The following EPHB2 variants were observed in gnomAD, a reference collection of about 807,000 sequenced individuals.
EPHB2 encodes ephrin type-B receptor 2.
In EPHB2, 18 loss-of-function variants were observed where a neutral mutation model predicts 96.4. The observed-to-expected ratio is 0.19, with a 90% CI of 0.13 to 0.28. EPHB2 has a LOEUF of 0.28. Among genes scored for constraint, EPHB2 ranks in the 10% least tolerant of loss-of-function variants. The probability of loss-of-function intolerance (pLI) is 1.00; values close to 1 mark genes in which losing one functional copy is unlikely to be tolerated. For synonymous variants in EPHB2, 506 were observed against 534.1 expected (o/e 0.95, Z 0.72); for missense variants, 989 against 1,355.4 (o/e 0.73, Z 4.25).
At chr1:22,819,571 G>A (rs1350302914) in intron 3 of EPHB2, among the ~76,000 whole-genome samples, 1 of 152,120 alleles carries the variant, frequency 6.6e-6, no homozygotes. Flanking sequence ...AACCCCAGCT[G>A]GCTGCCCTAT....
chr1:22,733,854 T>G lies in EPHB2; in HGVS notation c.61+22811T>G, dbSNP rs1054600763. Among the ~76,000 whole-genome samples, 27 of 152,094 alleles carry G rather than the reference T, an allele frequency of 1.8e-4. No homozygotes were observed. The highest frequency in any genetic ancestry group is 3.2e-4 in the Non-Finnish European group (22 of 68,010). ...ATTTGGTGGGGACAGAGCTAGAAGT[T>G]GAACCCGGGACTGGATTCTTGACCT... On this transcript the variant is annotated intron_variant, in intron 1 of 15. Coordinates refer to ENST00000374630, the MANE Select transcript of EPHB2 (RefSeq NM_017449.5). The surrounding 1 kb of genome is among the most constrained non-coding windows in gnomAD (Gnocchi z 4.6).
intron 3 of EPHB2, among the ~76,000 whole-genome samples, chr1:22,838,372 G>GC (rs1263150611): frequency 1.3e-5 from 2 of 152,242 alleles, no homozygotes; most frequent in African/African-American, 4.8e-5. Flanking sequence ...AGGGGAAGGG[G>GC]CATAGGCCAG....
chr1:22,797,238 A>G (rs898055514), intron 3 of EPHB2, among the ~76,000 whole-genome samples: 2 of 152,152 alleles, frequency 1.3e-5, no homozygotes, highest in African/African-American at 2.4e-5. Flanking sequence ...GATATCAGAC[A>G]TTCGTCCCCT....
At chr1:22,908,755 G>A (rs1301976583) in intron 12 of EPHB2, among the ~76,000 whole-genome samples, 1 of 152,222 alleles carries the variant, frequency 6.6e-6, no homozygotes, top group Non-Finnish European at 1.5e-5. Context: ...CTGTGGGATT[G>A]AGGGCAGCTG....
rs368521456 is a variant in EPHB2, at chr1:22,912,431, C to T, written c.2697-13C>T. 19 of 1,613,696 alleles carry T rather than the reference C, an allele frequency of 1.2e-5. No individual in the cohort carries two copies. In the East Asian group the frequency reaches 3.8e-4, roughly 32 times the overall value. On this transcript the variant is annotated splice_polypyrimidine_tract_variant and intron_variant, in intron 14 of 15. Coordinates refer to ENST00000374630, the MANE Select transcript of EPHB2 (RefSeq NM_017449.5). ...GTGCCCTGACCATCTCTGTCGCCCA[C>T]CCCCAACCCCAGCATCAACCTGCCG...
At chr1:22,878,352 T>C (rs1638913005) in intron 5 of EPHB2, among the ~76,000 whole-genome samples, 1 of 152,222 alleles carries the variant, frequency 6.6e-6, no homozygotes, top group African/African-American at 2.4e-5. Context: ...TTCTGAGTCT[T>C]ACAGCTTCCC....
At chr1:22,884,895 G>A (rs921510309) in intron 6 of EPHB2, among the ~76,000 whole-genome samples, 6 of 152,142 alleles carry the variant, frequency 3.9e-5, no homozygotes, top group South Asian at 2.1e-4. Flanking sequence ...TAAGTGTTAT[G>A]GAGTAATTGG....
At chr1:22,728,597 C>A (rs1172418435) in intron 1 of EPHB2, among the ~76,000 whole-genome samples, 3 of 152,256 alleles carry the variant, frequency 2.0e-5, no homozygotes, top group Admixed American at 2.0e-4. Flanking sequence ...CTAATCCCCC[C>A]ATTCCCCTTT....
intron 14 of EPHB2, among the ~76,000 whole-genome samples, chr1:22,911,155 T>A (rs143796474): frequency 1.4e-5 from 2 of 143,610 alleles, no homozygotes; most frequent in African/African-American, 5.8e-5. Flanking sequence ...AATAAATAAA[T>A]AAATAAATAA....
At chr1:22,771,666 T>C (rs1204699911) in intron 1 of EPHB2, among the ~76,000 whole-genome samples, 3 of 152,174 alleles carry the variant, frequency 2.0e-5, no homozygotes, top group Non-Finnish European at 4.4e-5. Flanking sequence ...CCCATTAGGA[T>C]CTCAGGAGAT....
At chr1:22,828,285 T>C (rs1645253503) in intron 3 of EPHB2, among the ~76,000 whole-genome samples, 1 of 152,098 alleles carries the variant, frequency 6.6e-6, no homozygotes, top group South Asian at 2.1e-4. Flanking sequence ...TGCCTCTCCA[T>C]GGACCCTGGC....
intron 3 of EPHB2, among the ~76,000 whole-genome samples, chr1:22,785,284 A>G (rs1644595494): frequency 6.6e-6 from 1 of 152,254 alleles, no homozygotes; most frequent in South Asian, 2.1e-4. Context: ...ATCCGCGCAC[A>G]TGCCGCAGGT....
At chr1:22,755,366 A>G (rs1443077591) in intron 1 of EPHB2, among the ~76,000 whole-genome samples, 1 of 152,144 alleles carries the variant, frequency 6.6e-6, no homozygotes, top group Non-Finnish European at 1.5e-5. Flanking sequence ...AAAAACAAAG[A>G]CCGAAAAAAC....
chr1:22,733,328 C>T lies in EPHB2; in HGVS notation c.61+22285C>T, dbSNP rs976789509. On this transcript the variant is annotated intron_variant, in intron 1 of 15. Transcript: ENST00000374630. This position sits in a 1 kb window ranked among gnomAD's most constrained non-coding sequence, Gnocchi z 4.6. ...CCTTCCAAAGTGCTGGGATTGCAGG[C>T]GTGAACCACTGTGGCTGGCCCAGGC... Among the ~76,000 whole-genome samples the T allele has an allele frequency of 3.9e-5, 6 of 152,266 alleles. No homozygotes were observed. Among genetic ancestry groups the T allele is most frequent in the African/African-American group, 9.6e-5 (4 of 41,552 alleles).
intron 9 of EPHB2, 110 bp from the exon 10 acceptor site, chr1:22,905,877 G>A: frequency 1.3e-6 from 2 of 1,568,844 alleles, no homozygotes; most frequent in Non-Finnish European, 1.7e-6. Context: ...CAGTTCTTAT[G>A]GGGGCCACAT....
At chr1:22,730,951 T>C (rs1183328678) in intron 1 of EPHB2, among the ~76,000 whole-genome samples, 1 of 151,906 alleles carries the variant, frequency 6.6e-6, no homozygotes, top group African/African-American at 2.4e-5. Context: ...CGGTGGTGGC[T>C]GGACCAAGCG....
In EPHB2 at chr1:22,716,799, C is replaced by A. The variant is rs145766331; in HGVS notation, c.61+5756C>A. On this transcript the variant is annotated intron_variant, in intron 1 of 15. Transcript: ENST00000374630. ...AGGGGCAGATGGAGCCTGCTGGTGA[C>A]AGGATGCCTGGGCTGGGCAAGGCAG... Among the ~76,000 whole-genome samples, 8 of 152,344 alleles carry A rather than the reference C, an allele frequency of 5.3e-5. No individual in the cohort carries two copies. In the East Asian group the frequency reaches 1.5e-3, roughly 29 times the overall value.
chr1:22,913,471 C>G lies in EPHB2; in HGVS notation c.2862C>G (p.Leu954=). 2 of 1,614,208 alleles carry G rather than the reference C, an allele frequency of 1.2e-6. No homozygotes were observed. The highest frequency in any genetic ancestry group is 1.7e-6 in the Non-Finnish European group (2 of 1,180,050). Residue 954 remains leucine (L), a synonymous_variant, in exon 16 of 16, where the codon CTC becomes CTG. Transcript: ENST00000374630. This position sits in a 1 kb window ranked among gnomAD's most constrained non-coding sequence, Gnocchi z 4.1. ...VVSQMMMEDI[L]RVGVTLAGHQ... is the part of the protein sequence containing the mutation. ...TGCTTCTCTCCCAAAGGGACATTCT[C>G]CGGGTTGGGGTCACTTTGGCTGGCC...
intron 1 of EPHB2, among the ~76,000 whole-genome samples, chr1:22,736,379 C>T (rs1329462713): frequency 6.6e-6 from 1 of 152,174 alleles, no homozygotes; most frequent in African/African-American, 2.4e-5. Context: ...AAAGCCTCTC[C>T]CCTTCAACTT....
Sources: allele counts gnomAD v4.1 joint callset (sites outside exome capture counted in the v4.1 genomes callset), GRCh38; gene constraint gnomAD v4.1.1; non-coding constraint Gnocchi (gnomAD v3.1); transcripts MANE v1.5; gene names NCBI Gene and HGNC (gene_info 2026-07-23, HGNC 2026-07-21).